Variants in SCHIP1 observed in about 807,000 individuals in gnomAD.
The protein encoded by SCHIP1 is schwannomin interacting protein 1, also known as schwannomin-interacting protein 1.
Under a neutral mutation model 29.7 loss-of-function variants are expected in SCHIP1, and 8 were observed. That is an observed-to-expected ratio of 0.27 (90% confidence interval 0.16 to 0.49). SCHIP1 has a LOEUF of 0.49. SCHIP1 is among the 20% of genes least tolerant of loss of function. The pLI, the probability that SCHIP1 is intolerant of heterozygous loss-of-function variation, is 0.99. For synonymous variants in SCHIP1, 76 were observed against 94.9 expected, an observed-to-expected ratio of 0.80 and a Z score of 1.16; for missense variants, 193 against 294.6, an observed-to-expected ratio of 0.66 and a Z score of 2.52.
the SCHIP1 span, among the ~76,000 whole-genome samples, chr3:159,547,971 G>A: frequency 6.6e-6 from 1 of 151,948 alleles, no homozygotes; most frequent in Non-Finnish European, 1.5e-5. Context: ...TTAAAGTGAG[G>A]AATTACATCC....
the SCHIP1 span, among the ~76,000 whole-genome samples, chr3:159,776,465 G>T: frequency 6.6e-6 from 1 of 151,908 alleles, no homozygotes; most frequent in African/African-American, 2.4e-5. Flanking sequence ...AATTGGTTCG[G>T]CAAGGAGTAA....
the SCHIP1 span, among the ~76,000 whole-genome samples, chr3:159,695,512 A>G: frequency 9.7e-4 from 148 of 152,018 alleles, no homozygotes; most frequent in East Asian, 0.011. Context: ...TTTTTTCTCC[A>G]CCTTCATCTC....
At chr3:159,397,109 G>A in the SCHIP1 span, among the ~76,000 whole-genome samples, 3 of 150,876 alleles carry the variant, frequency 2.0e-5, no homozygotes, top group Non-Finnish European at 4.4e-5. Flanking sequence ...CCAGTTGATC[G>A]CATTGGCTCC....
the SCHIP1 span, among the ~76,000 whole-genome samples, chr3:159,528,346 A>C: frequency 6.6e-6 from 1 of 152,230 alleles, no homozygotes; most frequent in Non-Finnish European, 1.5e-5. Flanking sequence ...TGTAACAGCC[A>C]GTAGCCTTCC....
chr3:159,726,080 T>C, the SCHIP1 span, among the ~76,000 whole-genome samples: 55 of 152,242 alleles, frequency 3.6e-4, no homozygotes, highest in Non-Finnish European at 7.6e-4. Flanking sequence ...CTTGCAACCT[T>C]TGAAGTTTTG....
At chr3:159,657,258 C>T in the SCHIP1 span, among the ~76,000 whole-genome samples, 1 of 152,184 alleles carries the variant, frequency 6.6e-6, no homozygotes, top group Non-Finnish European at 1.5e-5. Flanking sequence ...GATCAGTGAC[C>T]TCTTCAATTA....
At chr3:159,812,955 G>T in the SCHIP1 span, among the ~76,000 whole-genome samples, 1 of 152,202 alleles carries the variant, frequency 6.6e-6, no homozygotes, top group Non-Finnish European at 1.5e-5. Flanking sequence ...GAACCAGAAG[G>T]GAAAGCAGGA....
the SCHIP1 span, among the ~76,000 whole-genome samples, chr3:159,630,174 A>T: frequency 6.6e-6 from 1 of 152,234 alleles, no homozygotes; most frequent in Non-Finnish European, 1.5e-5. Context: ...AAAATGAAGC[A>T]GAGACATAAT....
chr3:159,292,849 G>A, the SCHIP1 span, among the ~76,000 whole-genome samples: 1 of 151,932 alleles, frequency 6.6e-6, no homozygotes, highest in Non-Finnish European at 1.5e-5. Flanking sequence ...TTTTGGTTTT[G>A]TTTTAGGGAA....
At chr3:159,310,151 A>C in the SCHIP1 span, among the ~76,000 whole-genome samples, 6 of 152,154 alleles carry the variant, frequency 3.9e-5, no homozygotes, top group African/African-American at 1.2e-4. Context: ...TTAAACCAAG[A>C]CAGTCTTTCT....
chr3:159,705,668 T>C, the SCHIP1 span, among the ~76,000 whole-genome samples: 4 of 152,126 alleles, frequency 2.6e-5, no homozygotes, highest in African/African-American at 9.7e-5. Flanking sequence ...AGTAGCAGGA[T>C]GGATGTGAGA....
chr3:159,526,792 A>C, the SCHIP1 span, among the ~76,000 whole-genome samples: 1 of 152,228 alleles, frequency 6.6e-6, no homozygotes, highest in Non-Finnish European at 1.5e-5. Flanking sequence ...CTGGCACTAC[A>C]GTCAATCACC....
chr3:159,449,541 A>G, the SCHIP1 span, among the ~76,000 whole-genome samples: 3 of 152,196 alleles, frequency 2.0e-5, no homozygotes, highest in Non-Finnish European at 4.4e-5. Context: ...GTCATACATC[A>G]TAATACTTCA....
the SCHIP1 span, among the ~76,000 whole-genome samples, chr3:159,779,627 C>T: frequency 4.6e-5 from 7 of 151,436 alleles, no homozygotes; most frequent in Non-Finnish European, 1.0e-4. Flanking sequence ...GAGCCAAGAT[C>T]GCACCATGGC....
chr3:159,830,144 A>C, the SCHIP1 span, among the ~76,000 whole-genome samples: 3 of 152,328 alleles, frequency 2.0e-5, no homozygotes, highest in South Asian at 6.2e-4. Context: ...AACCAAACAA[A>C]ATCTTATTCC....
At chr3:159,383,768 T>A in the SCHIP1 span, among the ~76,000 whole-genome samples, 2 of 149,744 alleles carry the variant, frequency 1.3e-5, no homozygotes, top group African/African-American at 4.9e-5. Flanking sequence ...TTTGTTTGTA[T>A]CCTCTTTTAT....
the SCHIP1 span, among the ~76,000 whole-genome samples, chr3:159,635,599 T>G: frequency 6.6e-6 from 1 of 151,988 alleles, no homozygotes; most frequent in Non-Finnish European, 1.5e-5. Flanking sequence ...TTCCTCTGGA[T>G]GAGTATATGA....
the SCHIP1 span, among the ~76,000 whole-genome samples, chr3:159,424,069 T>G: frequency 1.5e-5 from 2 of 134,140 alleles, no homozygotes; most frequent in Non-Finnish European, 3.3e-5. Context: ...AAACCAAAAG[T>G]AGATAAAACC....
At chr3:159,625,595 G>A in the SCHIP1 span, among the ~76,000 whole-genome samples, 12 of 151,950 alleles carry the variant, frequency 7.9e-5, no homozygotes, top group African/African-American at 2.7e-4. Flanking sequence ...TTTGCTTCAC[G>A]TTAGTAGTTT....
Sources: allele counts gnomAD v4.1 joint callset (sites outside exome capture counted in the v4.1 genomes callset), GRCh38; gene constraint gnomAD v4.1.1; transcripts MANE v1.5; gene names NCBI Gene and HGNC (gene_info 2026-07-23, HGNC 2026-07-21).